The following ZNF704 variants were observed in gnomAD, a reference collection of about 807,000 sequenced individuals.
The protein encoded by ZNF704 is glucocorticoid induced gene 1.
A neutral mutation model predicts 44.7 loss-of-function variants in ZNF704; 10 were observed. That is an observed-to-expected ratio of 0.22 (90% CI 0.14 to 0.38). The LOEUF is 0.38. Among genes scored for constraint, ZNF704 ranks in the 10% least tolerant of loss-of-function variants. The pLI is 1.00. For missense variants in ZNF704, 390 were observed against 545.5 expected (o/e 0.71, Z 2.84); for synonymous variants, 211 against 207.6 (o/e 1.02, Z -0.14).
At chr8:80,873,620 T>G (rs1484098650) in intron 1 of ZNF704, 1 of 152,564 alleles carries the variant, frequency 6.6e-6, no homozygotes, top group Non-Finnish European at 1.5e-5. Context: ...CTCGCCGTCC[T>G]CGTCGTCTTC....
intron 1 of ZNF704, among the ~76,000 whole-genome samples, chr8:80,829,941 C>G (rs532212597): frequency 6.6e-6 from 1 of 152,110 alleles, no homozygotes; most frequent in Non-Finnish European, 1.5e-5. Context: ...TGGGTTCCAC[C>G]ATTTGTAATG....
chr8:80,754,110 A>C (rs1334755702), intron 2 of ZNF704, among the ~76,000 whole-genome samples: 3 of 152,046 alleles, frequency 2.0e-5, no homozygotes, highest in African/African-American at 7.2e-5. Context: ...CCAAACCTAA[A>C]GGGCCTTTCC....
At chr8:80,877,862 G>GA (rs1809377665), upstream of ZNF704, among the ~76,000 whole-genome samples, 1 of 152,098 alleles carries the variant, frequency 6.6e-6, no homozygotes. Flanking sequence ...AAAAGTAAGG[G>GA]AAAAATAAAA....
intron 2 of ZNF704, 24 bp from the exon 3 acceptor site, chr8:80,693,131 G>GTGAC: frequency 6.3e-7 from 1 of 1,597,684 alleles, no homozygotes; most frequent in Non-Finnish European, 8.6e-7. Context: ...AGGGACACTG[G>GTGAC]TGACTGTTCA....
chr8:80,796,266 C>T (rs950071678), intron 2 of ZNF704, among the ~76,000 whole-genome samples: 2 of 152,212 alleles, frequency 1.3e-5, no homozygotes, highest in African/African-American at 4.8e-5. Flanking sequence ...CAGGGAATCA[C>T]GTGTTGAGGG....
At chr8:80,647,638 C>T (rs1019025033) in intron 7 of ZNF704, among the ~76,000 whole-genome samples, 6 of 152,058 alleles carry the variant, frequency 3.9e-5, no homozygotes, top group African/African-American at 1.4e-4. Flanking sequence ...GTCTGGATTC[C>T]TGTTGTTTAG....
intron 2 of ZNF704, among the ~76,000 whole-genome samples, chr8:80,740,549 G>A (rs529850089): frequency 6.6e-6 from 1 of 152,232 alleles, no homozygotes; most frequent in African/African-American, 2.4e-5. Flanking sequence ...AAACCCAACA[G>A]ACAGTGGAGG....
chr8:80,762,156 T>A lies in ZNF704; in HGVS notation c.221+59218A>T, dbSNP rs369831670. ...GATGTCTCTAAAAATCTTGACACAA[T>A]TTATACCTCCAGTATTGGACATGAT... On this transcript the variant is annotated intron_variant, in intron 2 of 8. Coordinates refer to ENST00000327835, the MANE Select transcript of ZNF704 (RefSeq NM_001033723.3). Among the ~76,000 whole-genome samples, 12 of 152,282 alleles carry A rather than the reference T, an allele frequency of 7.9e-5. 1 individual carries two copies. The highest frequency in any genetic ancestry group is 2.9e-4 in the African/African-American group (12 of 41,558).
intron 1 of ZNF704, among the ~76,000 whole-genome samples, chr8:80,868,024 AC>A (rs1342899427): frequency 1.3e-5 from 2 of 152,228 alleles, no homozygotes; most frequent in African/African-American, 4.8e-5. Flanking sequence ...AAACTGTTGC[AC>A]AGGATTGCAG....
intron 2 of ZNF704, among the ~76,000 whole-genome samples, chr8:80,744,701 T>C (rs1806816335): frequency 6.6e-6 from 1 of 152,190 alleles, no homozygotes; most frequent in South Asian, 2.1e-4. Context: ...CGGGTGATCT[T>C]TGCTCAAAAT....
rs199975279 is a variant in ZNF704 at position 80,706,351 on chromosome 8, GT to G, written c.222-13245del. 1.3e-3 allele frequency among the ~76,000 whole-genome samples: 188 copies of G among 148,862 alleles called. 1 individual carries two copies. In the East Asian group the frequency reaches 0.025, roughly 19 times the overall value. ...AAAAATAAGGTGATTTTTTTCCCTAGTTTTTTTTTTAATAGAAAAAACAGAT... is the reference window on the plus strand; with the variant it reads ...AAAAATAAGGTGATTTTTTTCCCTAGTTTTTTTTTAATAGAAAAAACAGAT... On this transcript the variant is annotated intron_variant, in intron 2 of 8. Transcript: ENST00000327835.
chr8:80,779,609 G>A (rs183947514), intron 2 of ZNF704, among the ~76,000 whole-genome samples: 2 of 151,914 alleles, frequency 1.3e-5, no homozygotes, highest in Non-Finnish European at 2.9e-5. Flanking sequence ...AAGGAAAATA[G>A]TATGTATTTC....
At chr8:80,848,432 GTGGTGATATA>G (rs1808802865) in intron 1 of ZNF704, among the ~76,000 whole-genome samples, 1 of 152,168 alleles carries the variant, frequency 6.6e-6, no homozygotes, top group Non-Finnish European at 1.5e-5. Context: ...CGATTTCCTG[GTGGTGATATA>G]TTATGGTTAC....
intron 2 of ZNF704, among the ~76,000 whole-genome samples, chr8:80,740,670 A>C (rs540427340): frequency 3.9e-5 from 6 of 152,320 alleles, no homozygotes; most frequent in African/African-American, 9.6e-5. Context: ...AGTGGTTTAC[A>C]GTCATGGACC....
rs75075700 is a variant in ZNF704 at position 80,828,938 on chromosome 8, A to G, written c.-21-7323T>C. Among the ~76,000 whole-genome samples, 249 of 152,264 alleles carry G rather than the reference A, an allele frequency of 1.6e-3. 1 individual carries two copies. The highest frequency in any genetic ancestry group is 5.7e-3 in the African/African-American group (238 of 41,552). On this transcript the variant is annotated intron_variant, in intron 1 of 8. Coordinates refer to ENST00000327835, the MANE Select transcript of ZNF704 (RefSeq NM_001033723.3). ...GAGCACTACACAGAGCTCCATTCTC[A>G]TCTTGGCCTCTCCTACCAGGAAGAA... is the stretch of plus-strand genomic sequence containing the variant.
chr8:80,643,142 T>C lies in ZNF704; in HGVS notation c.1033-13A>G, dbSNP rs1817771508. On this transcript the variant is annotated splice_polypyrimidine_tract_variant and intron_variant, in intron 7 of 8. Transcript: ENST00000327835. ...GTGTGGGTGACACCTGGTGAATACA[T>C]GGAAAAGAAAGTTGATGGGGCAGGT... 1 of 1,590,616 alleles carries C rather than the reference T, an allele frequency of 6.3e-7. No homozygotes were observed. Among genetic ancestry groups the C allele is most frequent in the South Asian group, 1.1e-5 (1 of 87,166 alleles).
intron 1 of ZNF704, among the ~76,000 whole-genome samples, chr8:80,860,345 T>C (rs1563579902): frequency 6.6e-6 from 1 of 152,176 alleles, no homozygotes; most frequent in Non-Finnish European, 1.5e-5. Context: ...ACACACTGGG[T>C]GATGTGTGCC....
At chr8:80,811,461 C>A (rs894927277) in intron 2 of ZNF704, among the ~76,000 whole-genome samples, 2 of 151,910 alleles carry the variant, frequency 1.3e-5, no homozygotes, top group African/African-American at 4.8e-5. Flanking sequence ...TTTCATATAA[C>A]CTGCAGCAGA....
In ZNF704 at chr8:80,794,013, T is replaced by A. The variant is rs150418815; in HGVS notation, c.221+27361A>T. Among the ~76,000 whole-genome samples, 755 of 152,274 alleles carry A rather than the reference T, an allele frequency of 5.0e-3. 6 individuals are homozygous for A. The highest frequency in any genetic ancestry group is 0.027 in the South Asian group (131 of 4,818). On this transcript the variant is annotated intron_variant, in intron 2 of 8. Transcript: ENST00000327835. ...AACATGGCAAAGACATCATAAGAAG[T>A]GCTGCATATAAACAGGCATCATTGT...
Sources: gnomAD v4.1 joint callset for allele counts (sites outside exome capture counted in the v4.1 genomes callset) on GRCh38, gnomAD v4.1.1 for gene constraint, MANE v1.5 for transcripts, NCBI Gene and HGNC (gene_info 2026-07-23, HGNC 2026-07-21) for gene names.